AP3B2: variants seen among roughly 807,000 people sequenced by gnomAD.
AP3B2 encodes adaptor related protein complex 3 subunit beta 2, also known as AP-3 complex subunit beta-2.
In AP3B2, 50 loss-of-function variants were observed where a neutral mutation model predicts 126.9. That is an observed-to-expected ratio of 0.39 (90% CI 0.31 to 0.50). The LOEUF (loss-of-function observed/expected upper bound fraction) is 0.50, where lower values mean the gene tolerates loss of function less well. AP3B2 is among the 20% of genes least tolerant of loss of function. The probability of loss-of-function intolerance (pLI) is 0.79; values close to 1 mark genes in which losing one functional copy is unlikely to be tolerated. For synonymous variants in AP3B2, 541 were observed against 565.0 expected (o/e 0.96, Z 0.60); for missense variants, 1,177 against 1,426.4 (o/e 0.83, Z 2.82).
chr15:82,685,893 GTTATTTAT>G (rs202019389), intron 4 of AP3B2: 4 of 152,112 alleles, frequency 2.6e-5, no homozygotes, highest in African/African-American at 9.7e-5. Context: ...CATGAAAGGT[GTTATTTAT>G]TTATTTATTT....
intron 4 of AP3B2, among the ~76,000 whole-genome samples, chr15:82,682,924 C>CAAA (rs35153505): frequency 7.4e-6 from 1 of 134,274 alleles, no homozygotes; most frequent in African/African-American, 2.9e-5. Flanking sequence ...CCAGTCTCTA[C>CAAA]AAAAAAAAAA....
Position 82,665,473 on chromosome 15 carries a change from G to T in AP3B2, c.1955C>A (p.Ser652Tyr), listed in dbSNP as rs1164484702. Residue 652 changes from serine (S) to tyrosine (Y), a missense_variant, in exon 16 of 27, where the codon TCT becomes TAT. Transcript: ENST00000535359. This position sits in a 1 kb window ranked among gnomAD's most constrained non-coding sequence, Gnocchi z 4.4. Reference sequence around the variant, plus strand: ...CCCGCTGACCTCCACGTTGCGCACAGATGGGTCTGGGGCTTCCTCCGGCCA... The same window carrying T: ...CCCGCTGACCTCCACGTTGCGCACATATGGGTCTGGGGCTTCCTCCGGCCA... Reference protein sequence around the residue: ...PDWPEEAPDPSVRNVEEEDLS... With the variant: ...PDWPEEAPDPYVRNVEEEDLS... The T allele has an allele frequency of 6.2e-7, 1 of 1,612,842 alleles. No homozygotes were observed. The highest frequency in any genetic ancestry group is 2.2e-5 in the East Asian group (1 of 44,844).
chr15:82,699,371 T>C (rs1056203323), intron 1 of AP3B2: 4 of 315,940 alleles, frequency 1.3e-5, no homozygotes, highest in African/African-American at 8.6e-5. Flanking sequence ...GAGGTCAAGG[T>C]GGGACCTCAA....
chr15:82,665,065 G>A lies in AP3B2; in HGVS notation c.2029-122C>T. 1 of 1,038,934 alleles carries A rather than the reference G, an allele frequency of 9.6e-7. No individual in the cohort carries two copies. 64.4% of individuals were successfully genotyped at this position (1,038,934 alleles called of 1,614,324 possible). On this transcript the variant is annotated intron_variant, in intron 17 of 26. Coordinates refer to ENST00000535359, the MANE Select transcript of AP3B2 (RefSeq NM_001278512.2). The surrounding 1 kb of genome is among the most constrained non-coding windows in gnomAD (Gnocchi z 4.4). ...CCCTACCTGGTCTGTCCCACAAAGG[G>A]AATAACAGAGGAGGAAGAAAGGGGC...
Position 82,681,884 on chromosome 15 carries a change from G to GA in AP3B2, c.361-305_361-304insT, listed in dbSNP as rs2048345144. 6.6e-6 allele frequency among the ~76,000 whole-genome samples: 1 copy of GA among 151,946 alleles called. No homozygotes were observed. Among genetic ancestry groups the GA allele is most frequent in the South Asian group, 2.1e-4 (1 of 4,820 alleles). ...GAAACACTTCCTGTTCCTTGTAAGGGTTTTTTTGGAGGTGCCTGTTTTAAT... is the reference window on the plus strand; with the variant it reads ...GAAACACTTCCTGTTCCTTGTAAGGGATTTTTTTGGAGGTGCCTGTTTTAAT... On this transcript the variant is annotated intron_variant, in intron 4 of 26. Transcript: ENST00000535359. This position sits in a 1 kb window ranked among gnomAD's most constrained non-coding sequence, Gnocchi z 4.0.
Position 82,681,230 on chromosome 15 carries a change from C to A in AP3B2, c.522-52G>T. The A allele has an allele frequency of 5.7e-6, 9 of 1,572,676 alleles. No individual in the cohort carries two copies. Among genetic ancestry groups the A allele is most frequent in the Non-Finnish European group, 7.8e-6 (9 of 1,156,844 alleles). On this transcript the variant is annotated intron_variant, in intron 5 of 26. Transcript: ENST00000535359. This position sits in a 1 kb window ranked among gnomAD's most constrained non-coding sequence, Gnocchi z 4.0. ...TTGCCACTCTCAGCCCCAGCCTTCCCAATATCTGTCCAAGCCATGCTCACC... is the reference window on the plus strand; with the variant it reads ...TTGCCACTCTCAGCCCCAGCCTTCCAAATATCTGTCCAAGCCATGCTCACC...
chr15:82,663,616 G>T lies in AP3B2; in HGVS notation c.2441C>A (p.Pro814His), dbSNP rs1181642804. 1 of 1,613,928 alleles carries T rather than the reference G, an allele frequency of 6.2e-7. No homozygotes were observed. The highest frequency in any genetic ancestry group is 1.1e-5 in the South Asian group (1 of 91,046). ...GGTTGCAGGAGCACTTTTGCTGCTG[G>T]GAGGCTGAAAGAGAAAAATGGGATG... Reference protein sequence around the residue: ...EPASWSRKTPPSSKSAPATKE... With the variant: ...EPASWSRKTPHSSKSAPATKE... The change falls in exon 21 of 27, where the codon CCC becomes CAC. Residue 814 changes from proline to histidine, a missense_variant. By Grantham distance (77) the Pro-to-His change is moderately conservative. Transcript: ENST00000535359.
rs761472269 is a variant in AP3B2, at chr15:82,666,852, G to T, written c.1747C>A (p.Arg583=). The part of the protein sequence containing the change: ...YDIRDRARFT[R]QLIVPSEQGG... ...TGCTCGGAAGGGACGATGAGCTGCC[G>T]GGTGAAGCGCGCCCGGTCGCGAATA... The change falls in exon 15 of 27, where the codon CGG becomes AGG. Residue 583 remains arginine, a synonymous_variant. Coordinates refer to ENST00000535359, the MANE Select transcript of AP3B2 (RefSeq NM_001278512.2). The T allele has an allele frequency of 6.2e-7, 1 of 1,614,004 alleles. No homozygotes were observed. The highest frequency in any genetic ancestry group is 1.1e-5 in the South Asian group (1 of 91,084).
At chr15:82,708,506 T>C (rs1358088286) in intron 1 of AP3B2, among the ~76,000 whole-genome samples, 2 of 151,960 alleles carry the variant, frequency 1.3e-5, no homozygotes, top group Non-Finnish European at 2.9e-5. Context: ...CTTCTGCCTC[T>C]CCCCTGGTCT....
At chr15:82,705,661 T>C (rs1487050673) in intron 1 of AP3B2, among the ~76,000 whole-genome samples, 1 of 152,156 alleles carries the variant, frequency 6.6e-6, no homozygotes, top group Non-Finnish European at 1.5e-5. Flanking sequence ...CAAGCCCAAA[T>C]TTCTTCCTCA....
chr15:82,702,355 C>A (rs1567276429), intron 1 of AP3B2, among the ~76,000 whole-genome samples: 1 of 152,204 alleles, frequency 6.6e-6, no homozygotes, highest in Admixed American at 6.5e-5. Flanking sequence ...GTTGCAGGAA[C>A]TAGTAACCTG....
intron 3 of AP3B2, 123 bp from the exon 4 acceptor site, chr15:82,688,954 GGA>G: frequency 9.5e-7 from 1 of 1,048,392 alleles, no homozygotes; most frequent in Non-Finnish European, 1.4e-6. Context: ...TCCCAGTGGG[GGA>G]GAGCACCCCT....
rs1461916898 is a variant in AP3B2 at position 82,661,852 on chromosome 15, T to G, written c.2989A>C (p.Ser997Arg). The change falls in exon 25 of 27, where the codon AGT (serine) becomes CGT (arginine). Residue 997 changes from serine to arginine, a missense_variant. Ser to Arg is a moderately radical substitution (Grantham distance 110, BLOSUM62 -1). Transcript: ENST00000535359. ...VGELMAPVFM[S>R]ENEFKKEQGK... Reference sequence around the variant, plus strand: ...TGTTCCTTCTTAAACTCATTTTCACTCATGAACACAGGGGCCATCAGCTCC... The same window carrying G: ...TGTTCCTTCTTAAACTCATTTTCACGCATGAACACAGGGGCCATCAGCTCC... The G allele has an allele frequency of 6.2e-7, 1 of 1,613,584 alleles. No individual in the cohort carries two copies. The highest frequency in any genetic ancestry group is 8.5e-7 in the Non-Finnish European group (1 of 1,179,768).
chr15:82,677,769 G>A lies in AP3B2; in HGVS notation c.1280C>T (p.Ala427Val). ...GCGTCCAATGGCCTGGATTGTGGCTGCCACAAAGTCCTTGTCCATGCTGCG... is the reference window on the plus strand; with the variant it reads ...GCGTCCAATGGCCTGGATTGTGGCTACCACAAAGTCCTTGTCCATGCTGCG... The part of the protein sequence containing the change: ...YIRSMDKDFV[A>V]ATIQAIGRCA... The change falls in exon 12 of 27, where the codon GCA (alanine) becomes GTA (valine). Residue 427 changes from alanine (A) to valine (V), a missense_variant. Ala to Val is a moderately conservative substitution (Grantham distance 64, BLOSUM62 0). Coordinates refer to ENST00000535359, the MANE Select transcript of AP3B2 (RefSeq NM_001278512.2). 17 of 1,612,104 alleles carry A rather than the reference G, an allele frequency of 1.1e-5. No homozygotes were observed. The highest frequency in any genetic ancestry group is 1.4e-5 in the Non-Finnish European group (17 of 1,178,782).
intron 14 of AP3B2, among the ~76,000 whole-genome samples, chr15:82,670,069 C>CAA (rs779045948): frequency 0.04 from 1,438 of 36,268 alleles, 34 homozygotes; most frequent in Middle Eastern, 0.079. Context: ...ACTCCGTCTC[C>CAA]AAAAAAAAAA....
chr15:82,663,951 C>G lies in AP3B2; in HGVS notation c.2286G>C (p.Lys762Asn). ...CTGGCACCTTCTTCTTTGTCTTCCT[C>G]TTACCATCCTCCTCACTCTGTTCAC... The part of the protein sequence containing the change: ...SESEQSEEDG[K>N]RKTKKKVPER... Residue 762 changes from lysine (K) to asparagine (N), a missense_variant, in exon 20 of 27, where the codon AAG becomes AAC. Lys to Asn is a moderately conservative substitution (Grantham distance 94). Around this residue, in one of 5 missense-constraint regions of AP3B2, gnomAD observed 587 missense variants for 571.3 expected, o/e 1.03. Coordinates refer to ENST00000535359, the MANE Select transcript of AP3B2 (RefSeq NM_001278512.2). 1.2e-6 allele frequency: 2 copies of G among 1,606,432 alleles called. No homozygotes were observed. The highest frequency in any genetic ancestry group is 1.7e-6 in the Non-Finnish European group (2 of 1,179,784).
intron 14 of AP3B2, among the ~76,000 whole-genome samples, chr15:82,674,266 G>A (rs1015220785): frequency 1.3e-5 from 2 of 152,174 alleles, no homozygotes; most frequent in South Asian, 2.1e-4. Context: ...GGTCATGTGC[G>A]CATCCAAACC....
chr15:82,702,593 A>G (rs2048736379), intron 1 of AP3B2, among the ~76,000 whole-genome samples: 1 of 135,270 alleles, frequency 7.4e-6, no homozygotes, highest in Non-Finnish European at 1.6e-5. Flanking sequence ...CCTGCCCACC[A>G]AGGAACACCC....
At chr15:82,690,642 C>CTTTTTTTTTTTT (rs147811093) in intron 1 of AP3B2, among the ~76,000 whole-genome samples, 27 of 68,914 alleles carry the variant, frequency 3.9e-4, no homozygotes, top group Non-Finnish European at 5.0e-4. Flanking sequence ...TTTTCTTCTT[C>CTTTTTTTTTTTT]TTTTTTTTTT....
Sources: allele counts gnomAD v4.1 joint callset (sites outside exome capture counted in the v4.1 genomes callset), GRCh38; gene constraint gnomAD v4.1.1; regional missense constraint gnomAD v4.1.1; non-coding constraint Gnocchi (gnomAD v3.1); transcripts MANE v1.5; gene names NCBI Gene and HGNC (gene_info 2026-07-23, HGNC 2026-07-21).